Variants in SIGLEC12 observed in about 807,000 individuals in gnomAD.
The protein encoded by SIGLEC12 is sialic acid-binding Ig-like lectin 12.
In SIGLEC12, 43 loss-of-function variants were observed where a neutral mutation model predicts 54.1. The ratio of observed to expected loss-of-function variants is 0.80; its 90% CI spans 0.62 to 1.03. The LOEUF (loss-of-function observed/expected upper bound fraction) is 1.03, where lower values mean the gene tolerates loss of function less well. SIGLEC12 is among the 50% of genes least tolerant of loss of function. SIGLEC12 has a pLI of 0.00. For missense variants in SIGLEC12, 802 were observed against 735.2 expected, an observed-to-expected ratio of 1.09 and a Z score of -1.05; for synonymous variants, 357 against 307.6, an observed-to-expected ratio of 1.16 and a Z score of -1.68.
rs868130817 is a variant in SIGLEC12 at position 51,500,418 on chromosome 19, G to C, written c.428-118C>G. ...TGGGCTCCCTGTGTGAGCAGAGAAG[G>C]GGGAGGGAGAGGAGGGGCAGGGCTG... On this transcript the variant is annotated intron_variant, in intron 1 of 7. Transcript: ENST00000291707. 9 of 1,578,052 alleles carry C rather than the reference G, an allele frequency of 5.7e-6. No individual in the cohort carries two copies. In the African/African-American group the frequency reaches 6.7e-5, roughly 12 times the overall value.
At position 51,499,640 on chromosome 19, in the gene SIGLEC12, C is replaced by A; in HGVS notation, c.885G>T (p.Val295=). 6.2e-7 allele frequency: 1 copy of A among 1,614,102 alleles called. No homozygotes were observed. The highest frequency in any genetic ancestry group is 8.5e-7 in the Non-Finnish European group (1 of 1,179,976). Residue 295 remains valine, a synonymous_variant, in exon 3 of 8, where the codon GTG becomes GTT. Transcript: ENST00000291707. The part of the protein sequence containing the change: ...SGHPRNLTCS[V]PWACEQGTPP... ...GCGTCCCCTGTTCACAGGCCCAGGG[C>A]ACAGAGCAGGTCAGGTTCCTGGGGT...
chr19:51,493,250 T>C (rs1384783714), intron 7 of SIGLEC12, among the ~76,000 whole-genome samples: 1 of 152,178 alleles, frequency 6.6e-6, no homozygotes, highest in African/African-American at 2.4e-5. Flanking sequence ...CTTCTTGACT[T>C]AACTACAGGA....
At position 51,497,291 on chromosome 19, in the gene SIGLEC12, G is replaced by C. The variant is rs530118147; in HGVS notation, c.1502+58C>G. On this transcript the variant is annotated intron_variant, in intron 6 of 7. Coordinates refer to ENST00000291707, the MANE Select transcript of SIGLEC12 (RefSeq NM_053003.4). ...AGGTCCTTCCAGGTCTGGCTTCAGGGATTTTGTTCCCAGCCTGCCCTCCCC... is the reference window on the plus strand; with the variant it reads ...AGGTCCTTCCAGGTCTGGCTTCAGGCATTTTGTTCCCAGCCTGCCCTCCCC... The C allele has an allele frequency of 1.1e-4, 158 of 1,486,204 alleles. 1 individual carries two copies. In the African/African-American group the frequency reaches 2.0e-3, roughly 19 times the overall value. The allele number at this position is 1,486,204 out of a possible 1,614,324, so 92.1% of individuals were successfully genotyped here. A position where few individuals can be genotyped will look rare whatever the true frequency, so the allele number is the denominator to read the frequency against.
At position 51,501,073 on chromosome 19, in the gene SIGLEC12, C is replaced by T. The variant is rs553587016; in HGVS notation, c.427+234G>A. Among the ~76,000 whole-genome samples, 6 of 152,146 alleles carry T rather than the reference C, an allele frequency of 3.9e-5. No homozygotes were observed. The South Asian group carries it at 6.2e-4, about 16-fold the overall frequency. ...AAGGCCCCACATGCCACAGTGCCAG[C>T]GTCAGAGGCAGGATGAGGATGTCAG... On this transcript the variant is annotated intron_variant, in intron 1 of 7. Coordinates refer to ENST00000291707, the MANE Select transcript of SIGLEC12 (RefSeq NM_053003.4).
At chr19:51,492,715 C>T (rs985331523) in intron 7 of SIGLEC12, among the ~76,000 whole-genome samples, 1 of 152,084 alleles carries the variant, frequency 6.6e-6, no homozygotes, top group African/African-American at 2.4e-5. Context: ...GAGGGAGGGT[C>T]CTGAGCCAAG....
chr19:51,498,843 A>G (rs752831287), intron 4 of SIGLEC12, among the ~76,000 whole-genome samples: 2 of 152,372 alleles, frequency 1.3e-5, no homozygotes, highest in South Asian at 4.1e-4. Flanking sequence ...GTATGTATCC[A>G]AAAGAATATA....
chr19:51,496,681 G>T (rs1272921243), intron 7 of SIGLEC12, among the ~76,000 whole-genome samples, 199 bp downstream of exon 7: 1 of 152,112 alleles, frequency 6.6e-6, no homozygotes, highest in Non-Finnish European at 1.5e-5. Flanking sequence ...CCCAGACAGA[G>T]ATCCAGAGGC....
At position 51,497,379 on chromosome 19, in the gene SIGLEC12, A is replaced by G. The variant is rs1990270346; in HGVS notation, c.1472T>C (p.Val491Ala). 5 of 1,613,122 alleles carry G rather than the reference A, an allele frequency of 3.1e-6. No individual in the cohort carries two copies. The highest frequency in any genetic ancestry group is 4.5e-5 in the East Asian group (2 of 44,862). The part of the protein sequence containing the change: ...AFGGAGATAL[V>A]FLYFCIIFVV... ...GAAGATGATGCAGAAGTACAGGAAG[A>G]CCAGGGCTGTGGCTCCAGCTCCCCC... The change falls in exon 6 of 8, where the codon GTC (valine) becomes GCC (alanine). Residue 491 changes from valine (V) to alanine (A), a missense_variant. Val to Ala is a moderately conservative substitution (Grantham distance 64). Coordinates refer to ENST00000291707, the MANE Select transcript of SIGLEC12 (RefSeq NM_053003.4).
At chr19:51,493,227 C>G (rs1247240458) in intron 7 of SIGLEC12, among the ~76,000 whole-genome samples, 2 of 152,162 alleles carry the variant, frequency 1.3e-5, no homozygotes, top group Admixed American at 1.3e-4. Context: ...CTCACCTTCC[C>G]TACACAGAAG....
At position 51,491,603 on chromosome 19, in the gene SIGLEC12, T is replaced by G; in HGVS notation, c.*38A>C. 11 of 1,599,524 alleles carry G rather than the reference T, an allele frequency of 6.9e-6. No homozygotes were observed. The highest frequency in any genetic ancestry group is 1.1e-5 in the South Asian group (1 of 90,650). On this transcript the variant is annotated 3_prime_UTR_variant, in exon 8 of 8. Transcript: ENST00000291707. Reference sequence around the variant, plus strand: ...GTCTCGGGCTTCTTTGCTGCAGGGGTCGTGAGCCCTCAAACAGGCCTGAGT... The same window carrying G: ...GTCTCGGGCTTCTTTGCTGCAGGGGGCGTGAGCCCTCAAACAGGCCTGAGT...
Position 51,498,108 on chromosome 19 carries a change from T to C in SIGLEC12, c.1315A>G (p.Lys439Glu). 1 of 1,614,206 alleles carries C rather than the reference T, an allele frequency of 6.2e-7. No homozygotes were observed. The highest frequency in any genetic ancestry group is 1.1e-5 in the South Asian group (1 of 91,078). ...CGGCAGGTGAATTCCCCTTCATCCT[T>C]CACATGCACTCGAGGCAGCTCCAGC... ...GVLELPRVHV[K>E]DEGEFTCRAQ... Residue 439 changes from lysine (K) to glutamate (E), a missense_variant, in exon 5 of 8, where the codon AAG (lysine) becomes GAG (glutamate). Physicochemically the swap from Lys to Glu is moderately conservative, Grantham distance 56 (BLOSUM62 1). Transcript: ENST00000291707.
chr19:51,496,664 A>G (rs1372022002), intron 7 of SIGLEC12, among the ~76,000 whole-genome samples: 1 of 152,044 alleles, frequency 6.6e-6, no homozygotes, highest in African/African-American at 2.4e-5. Context: ...CAGGGAGGTG[A>G]GGAGGTCCCA....
intron 7 of SIGLEC12, among the ~76,000 whole-genome samples, chr19:51,493,315 C>G (rs1303155173): frequency 6.6e-6 from 1 of 152,184 alleles, no homozygotes; most frequent in Non-Finnish European, 1.5e-5. Flanking sequence ...GCTAGATGCT[C>G]CACATCTCCC....
intron 7 of SIGLEC12, among the ~76,000 whole-genome samples, chr19:51,493,883 A>G (rs60595289): frequency 0.12 from 17,602 of 152,226 alleles, 1,117 homozygotes; most frequent in Middle Eastern, 0.25. Flanking sequence ...CCATGAAAAT[A>G]AAAGTTAATC....
At chr19:51,493,276 C>T (rs1990154169) in intron 7 of SIGLEC12, among the ~76,000 whole-genome samples, 1 of 152,196 alleles carries the variant, frequency 6.6e-6, no homozygotes, top group Non-Finnish European at 1.5e-5. Context: ...TGCTTTCTGG[C>T]TCCATCTTAC....
chr19:51,501,478 G>T lies in SIGLEC12; in HGVS notation c.256C>A (p.Gln86Lys). Reference sequence around the variant, plus strand: ...TGGAATCGGTCCCGAGTCTCCTCCTGCACTGCTCGAGCTGGGTTGTTTGTG... The same window carrying T: ...TGGAATCGGTCCCGAGTCTCCTCCTTCACTGCTCGAGCTGGGTTGTTTGTG... ...VATNNPARAVQEETRDRFHLL... is the reference protein window; with the variant it reads ...VATNNPARAVKEETRDRFHLL... The change falls in exon 1 of 8, where the codon CAG becomes AAG. Residue 86 changes from glutamine (Q) to lysine (K), a missense_variant. Coordinates refer to ENST00000291707, the MANE Select transcript of SIGLEC12 (RefSeq NM_053003.4). 6.2e-7 allele frequency: 1 copy of T among 1,613,996 alleles called. No homozygotes were observed. The highest frequency in any genetic ancestry group is 8.5e-7 in the Non-Finnish European group (1 of 1,179,900).
intron 4 of SIGLEC12, 53 bp from the exon 5 acceptor site, chr19:51,498,340 A>T (rs1184489464): frequency 6.8e-7 from 1 of 1,479,832 alleles, no homozygotes; most frequent in Non-Finnish European, 9.1e-7. Context: ...CGAGGCAGGG[A>T]GGAAGGATAC....
intron 5 of SIGLEC12, 49 bp downstream of exon 5, chr19:51,497,969 T>G: frequency 6.2e-7 from 1 of 1,601,262 alleles, no homozygotes; most frequent in South Asian, 1.1e-5. Context: ...AGCTGGACCC[T>G]GAGGGTGGGA....
chr19:51,500,085 C>T lies in SIGLEC12; in HGVS notation c.643G>A (p.Asp215Asn), dbSNP rs755193112. 1.9e-6 allele frequency: 3 copies of T among 1,614,026 alleles called. No individual in the cohort carries two copies. Among genetic ancestry groups the T allele is most frequent in the Admixed American group, 1.7e-5 (1 of 60,002 alleles). ...TNTPSGKVQEDTHGRFLLLGD... is the reference protein window; with the variant it reads ...TNTPSGKVQENTHGRFLLLGD... ...AGGAGGAGGAATCGACCGTGGGTAT[C>T]CTCTTGCACTTTTCCACTTGGGGTG... Residue 215 changes from aspartate (D) to asparagine (N), a missense_variant, in exon 2 of 8, where the codon GAT becomes AAT. Asp to Asn is a conservative substitution (Grantham distance 23). Transcript: ENST00000291707.
Sources: allele counts gnomAD v4.1 joint callset (sites outside exome capture counted in the v4.1 genomes callset), GRCh38; gene constraint gnomAD v4.1.1; transcripts MANE v1.5; gene names NCBI Gene and HGNC (gene_info 2026-07-23, HGNC 2026-07-21).